ABTB3: variants seen among roughly 807,000 people sequenced by gnomAD.
ABTB3 encodes the protein ankyrin repeat and BTB domain containing 3, also known as ankyrin repeat- and BTB/POZ domain-containing protein 3.
At chr12:107,417,017 C>A in the ABTB3 span, among the ~76,000 whole-genome samples, 1 of 152,158 alleles carries the variant, frequency 6.6e-6, no homozygotes, top group Non-Finnish European at 1.5e-5. Context: ...AATAAACAGG[C>A]AGAATAAAGA....
At chr12:107,352,379 T>TG in the ABTB3 span, among the ~76,000 whole-genome samples, 2 of 151,898 alleles carry the variant, frequency 1.3e-5, no homozygotes, top group African/African-American at 4.8e-5. Context: ...TAGAGTGCAG[T>TG]GGGGAGGGAA....
the ABTB3 span, among the ~76,000 whole-genome samples, chr12:107,656,304 A>G: frequency 6.6e-6 from 1 of 151,894 alleles, no homozygotes; most frequent in Admixed American, 6.6e-5. Context: ...CTGTCAAAAA[A>G]AAAAAAAATT....
chr12:107,436,460 A>G, the ABTB3 span, among the ~76,000 whole-genome samples: 2 of 152,196 alleles, frequency 1.3e-5, no homozygotes, highest in African/African-American at 2.4e-5. Context: ...CATGTGGTCA[A>G]AGGAGGATTT....
chr12:107,635,861 C>T, the ABTB3 span, among the ~76,000 whole-genome samples: 7 of 86,438 alleles, frequency 8.1e-5, no homozygotes, highest in Middle Eastern at 9.6e-3. Context: ...CCCCCCCCCC[C>T]CCACCCACCC....
At chr12:107,650,113 G>A in the ABTB3 span, 1 of 145,038 alleles carries the variant, frequency 6.9e-6, no homozygotes, top group Non-Finnish European at 1.5e-5. Context: ...CTGTTCAAGA[G>A]CAGACCTCAC....
At chr12:107,482,990 TTCCTTCC>T in the ABTB3 span, among the ~76,000 whole-genome samples, 123 of 15,806 alleles carry the variant, frequency 7.8e-3, 2 homozygotes, top group African/African-American at 0.015. Flanking sequence ...CTTTCTTTCC[TTCCTTCC>T]TTCCTTCCTT....
chr12:107,503,145 G>A, the ABTB3 span, among the ~76,000 whole-genome samples: 2 of 152,164 alleles, frequency 1.3e-5, no homozygotes, highest in Admixed American at 6.5e-5. Flanking sequence ...GGGAAGGAAC[G>A]GGTGAGGCAG....
the ABTB3 span, among the ~76,000 whole-genome samples, chr12:107,498,847 A>T: frequency 6.6e-6 from 1 of 152,210 alleles, no homozygotes; most frequent in Non-Finnish European, 1.5e-5. Flanking sequence ...GGACATGGAC[A>T]TCTTTGGGGA....
At chr12:107,581,307 A>G in the ABTB3 span, 9 of 1,378,414 alleles carry the variant, frequency 6.5e-6, no homozygotes, top group Non-Finnish European at 8.4e-6. Flanking sequence ...CAGCTCAGGT[A>G]GGCGCGGGGG....
At chr12:107,581,574 C>T in the ABTB3 span, among the ~76,000 whole-genome samples, 1 of 152,220 alleles carries the variant, frequency 6.6e-6, no homozygotes, top group Non-Finnish European at 1.5e-5. Context: ...TGGCTGTTCT[C>T]TCTGCGCCTA....
chr12:107,532,344 G>A, the ABTB3 span, among the ~76,000 whole-genome samples: 5 of 152,278 alleles, frequency 3.3e-5, no homozygotes, highest in East Asian at 3.9e-4. Context: ...GGCCCATCCA[G>A]CATCCTTGTC....
chr12:107,578,518 A>G, the ABTB3 span, among the ~76,000 whole-genome samples: 117 of 150,400 alleles, frequency 7.8e-4, no homozygotes, highest in Non-Finnish European at 1.5e-4. Flanking sequence ...ATGGAGATGC[A>G]GCCCCCCAGG....
the ABTB3 span, among the ~76,000 whole-genome samples, chr12:107,351,235 G>C: frequency 1.3e-5 from 2 of 152,144 alleles, no homozygotes; most frequent in Admixed American, 6.5e-5. Context: ...TATCCGGGTG[G>C]CCATTTTACA....
chr12:107,600,881 G>A, the ABTB3 span, among the ~76,000 whole-genome samples: 1 of 152,182 alleles, frequency 6.6e-6, no homozygotes, highest in South Asian at 2.1e-4. Flanking sequence ...GGGATCAGAG[G>A]GACCAGGCTC....
At chr12:107,344,148 A>G in the ABTB3 span, among the ~76,000 whole-genome samples, 30 of 152,292 alleles carry the variant, frequency 2.0e-4, no homozygotes, top group African/African-American at 7.2e-4. Flanking sequence ...TTTTAAGCAG[A>G]ATGAAGAGTG....
chr12:107,457,319 G>A, the ABTB3 span, among the ~76,000 whole-genome samples: 6 of 152,270 alleles, frequency 3.9e-5, no homozygotes. Flanking sequence ...TGGCACCCAC[G>A]GCTCATTTAA....
chr12:107,549,736 T>C, the ABTB3 span, among the ~76,000 whole-genome samples: 3 of 152,220 alleles, frequency 2.0e-5, no homozygotes, highest in Admixed American at 6.5e-5. Context: ...CTGGGAAACA[T>C]TGCTTATGGC....
chr12:107,581,598 T>C, the ABTB3 span, among the ~76,000 whole-genome samples: 43 of 152,332 alleles, frequency 2.8e-4, no homozygotes, highest in Middle Eastern at 3.4e-3. Flanking sequence ...TCTCCCTCTC[T>C]TTCTCTCTCC....
chr12:107,648,389 C>CACACACACAA, the ABTB3 span, among the ~76,000 whole-genome samples: 1 of 144,600 alleles, frequency 6.9e-6, no homozygotes, highest in African/African-American at 2.9e-5. Context: ...TCCACACACA[C>CACACACACAA]ACACACACAC....
Sources: gnomAD v4.1 joint callset for allele counts (sites outside exome capture counted in the v4.1 genomes callset) on GRCh38, gnomAD v4.1.1 for gene constraint, MANE v1.5 for transcripts, NCBI Gene and HGNC (gene_info 2026-07-23, HGNC 2026-07-21) for gene names.